PSD2: variants seen among roughly 807,000 people sequenced by gnomAD.
PSD2 encodes PH and SEC7 domain-containing protein 2.
In PSD2, 38 loss-of-function variants were observed where a neutral mutation model predicts 69.8. That is an observed-to-expected ratio of 0.54 (90% CI 0.42 to 0.71). The LOEUF (loss-of-function observed/expected upper bound fraction) is 0.71, where lower values mean the gene tolerates loss of function less well. Among genes scored for constraint, PSD2 ranks in the 30% least tolerant of loss-of-function variants. The pLI is 0.00. For missense variants in PSD2, 943 were observed against 1,014.5 expected (o/e 0.93, Z 0.96); for synonymous variants, 412 against 423.0 (o/e 0.97, Z 0.32).
chr5:139,809,882 C>T (rs1248039531), intron 2 of PSD2, 71 bp downstream of exon 2: 2 of 1,503,562 alleles, frequency 1.3e-6, no homozygotes, highest in Non-Finnish European at 1.8e-6. Context: ...TGGGCTTAGC[C>T]ACTTAGTTTC....
At position 139,835,718 on chromosome 5, in the gene PSD2, C is replaced by A. The variant is rs1256297672; in HGVS notation, c.1360-5C>A. 2 of 1,614,072 alleles carry A rather than the reference C, an allele frequency of 1.2e-6. No homozygotes were observed. The highest frequency in any genetic ancestry group is 3.3e-5 in the Admixed American group (2 of 60,028). ...ATTCCCCCCTCTCTCTTTTCCCTCT[C>A]CCAGACCCTTTACAACTCCATCAAG... On this transcript the variant is annotated splice_polypyrimidine_tract_variant and splice_region_variant and intron_variant, in intron 8 of 14. Coordinates refer to ENST00000274710, the MANE Select transcript of PSD2 (RefSeq NM_032289.4).
chr5:139,756,025 C>G, the PSD2 span, among the ~76,000 whole-genome samples: 1 of 152,226 alleles, frequency 6.6e-6, no homozygotes, highest in Non-Finnish European at 1.5e-5. Flanking sequence ...CCCGCGGCTG[C>G]CGTCCGCCCT....
upstream of PSD2, among the ~76,000 whole-genome samples, chr5:139,791,504 C>G (rs1759415356): frequency 6.6e-6 from 1 of 152,100 alleles, no homozygotes; most frequent in African/African-American, 2.4e-5. Context: ...AGGGAATGAA[C>G]TCAACATGAT....
intron 1 of PSD2, among the ~76,000 whole-genome samples, chr5:139,796,664 G>T (rs1759537980): frequency 6.6e-6 from 1 of 152,200 alleles, no homozygotes; most frequent in South Asian, 2.1e-4. Context: ...CCTGCCCAGC[G>T]GGCCCCCTCG....
Position 139,837,332 on chromosome 5 carries a change from T to A in PSD2, c.1665+94T>A. 2.4e-6 allele frequency: 3 copies of A among 1,238,514 alleles called. No individual in the cohort carries two copies. The highest frequency in any genetic ancestry group is 3.5e-6 in the Non-Finnish European group (3 of 858,632). The allele number at this position is 1,238,514 out of a possible 1,614,324, so 76.7% of individuals were successfully genotyped here. ...GCACCCCGAAGCCCCAGGCAGGACC[T>A]GGGGCTCAGGCACATGCTGGGTCCT... is the stretch of plus-strand genomic sequence containing the variant. On this transcript the variant is annotated intron_variant, in intron 11 of 14. Coordinates refer to ENST00000274710, the MANE Select transcript of PSD2 (RefSeq NM_032289.4). The surrounding 1 kb of genome is among the most constrained non-coding windows in gnomAD (Gnocchi z 5.0).
upstream of PSD2, among the ~76,000 whole-genome samples, chr5:139,792,943 T>G (rs1759445959): frequency 6.6e-6 from 1 of 151,266 alleles, no homozygotes; most frequent in Admixed American, 6.6e-5. Flanking sequence ...CTTTCTGTCT[T>G]TCTTTCTTCT....
intron 1 of PSD2, among the ~76,000 whole-genome samples, chr5:139,807,037 C>T (rs550394767): frequency 2.0e-5 from 3 of 152,278 alleles, no homozygotes; most frequent in East Asian, 1.9e-4. Context: ...GGGGGTAGGG[C>T]GGAGGGGCTC....
At chr5:139,797,953 A>T (rs898407786) in intron 1 of PSD2, among the ~76,000 whole-genome samples, 12 of 152,180 alleles carry the variant, frequency 7.9e-5, no homozygotes, top group Non-Finnish European at 1.3e-4. Context: ...ACAAGCACTA[A>T]GCTGTAGTTT....
the PSD2 span, among the ~76,000 whole-genome samples, chr5:139,778,892 G>A: frequency 6.9e-6 from 1 of 145,340 alleles, no homozygotes; most frequent in East Asian, 2.0e-4. Context: ...TAGTGCCCTT[G>A]CACTCCAGCC....
At chr5:139,783,098 G>A in the PSD2 span, among the ~76,000 whole-genome samples, 1 of 152,216 alleles carries the variant, frequency 6.6e-6, no homozygotes, top group East Asian at 1.9e-4. Flanking sequence ...GAATCACACA[G>A]CATTTGTCCT....
the PSD2 span, among the ~76,000 whole-genome samples, chr5:139,776,959 G>C: frequency 6.6e-6 from 1 of 152,236 alleles, no homozygotes; most frequent in Non-Finnish European, 1.5e-5. Context: ...AGTTTCCACT[G>C]TAGGACAGTT....
the PSD2 span, among the ~76,000 whole-genome samples, chr5:139,749,273 T>C: frequency 2.6e-5 from 4 of 152,232 alleles, no homozygotes; most frequent in African/African-American, 9.6e-5. Flanking sequence ...GAGAACTTCT[T>C]CCTGACTGCC....
the PSD2 span, among the ~76,000 whole-genome samples, chr5:139,769,706 T>C: frequency 3.9e-5 from 6 of 152,002 alleles, no homozygotes; most frequent in Non-Finnish European, 7.4e-5. Flanking sequence ...TACCTGGCCA[T>C]GGGTGGCCTT....
the PSD2 span, among the ~76,000 whole-genome samples, chr5:139,778,645 T>G: frequency 6.6e-6 from 1 of 151,988 alleles, no homozygotes; most frequent in Admixed American, 6.6e-5. Flanking sequence ...TCCCTAGCAA[T>G]GAGGGTCAGG....
At chr5:139,776,277 A>G in the PSD2 span, among the ~76,000 whole-genome samples, 1 of 152,214 alleles carries the variant, frequency 6.6e-6, no homozygotes, top group South Asian at 2.1e-4. Context: ...GTAAGCTGGG[A>G]TACAACCAGG....
chr5:139,784,271 G>A, the PSD2 span, among the ~76,000 whole-genome samples: 1 of 151,830 alleles, frequency 6.6e-6, no homozygotes, highest in Non-Finnish European at 1.5e-5. Flanking sequence ...GGGCCTCAGG[G>A]GTCCATTCTT....
At chr5:139,753,914 G>A in the PSD2 span, among the ~76,000 whole-genome samples, 5 of 151,058 alleles carry the variant, frequency 3.3e-5, no homozygotes, top group South Asian at 2.1e-4. Flanking sequence ...TTGGCTCACC[G>A]CAAACTCCGC....
chr5:139,768,800 G>A, the PSD2 span, among the ~76,000 whole-genome samples: 1 of 151,802 alleles, frequency 6.6e-6, no homozygotes, highest in Non-Finnish European at 1.5e-5. Flanking sequence ...AATGTAAAGA[G>A]CCAATCGGGC....
chr5:139,767,214 C>T, the PSD2 span, among the ~76,000 whole-genome samples: 2 of 151,660 alleles, frequency 1.3e-5, no homozygotes, highest in African/African-American at 2.4e-5. Context: ...AGGATGGTCT[C>T]GATCTCCTGA....
Sources: allele counts gnomAD v4.1 joint callset (sites outside exome capture counted in the v4.1 genomes callset), GRCh38; gene constraint gnomAD v4.1.1; non-coding constraint Gnocchi (gnomAD v3.1); transcripts MANE v1.5; gene names NCBI Gene and HGNC (gene_info 2026-07-23, HGNC 2026-07-21).